Variants in C20orf96 observed in about 807,000 individuals in gnomAD.
C20orf96 encodes the protein chromosome 20 open reading frame 96.
A neutral mutation model predicts 52.6 loss-of-function variants in C20orf96; 57 were observed. That is an observed-to-expected ratio of 1.08 (90% CI 0.88 to 1.35). The LOEUF is 1.35. Among genes scored for constraint, C20orf96 ranks in the 40% most tolerant of loss-of-function variants. C20orf96 has a pLI of 0.00. For missense variants in C20orf96, 478 were observed against 443.6 expected, an observed-to-expected ratio of 1.08 and a Z score of -0.70; for synonymous variants, 168 against 157.2, an observed-to-expected ratio of 1.07 and a Z score of -0.51.
chr20:284,552 C>A (rs918549989), intron 3 of C20orf96, among the ~76,000 whole-genome samples: 4 of 152,210 alleles, frequency 2.6e-5, no homozygotes, highest in Non-Finnish European at 5.9e-5. Context: ...GCCAGACAGT[C>A]CAAGTTTAAA....
In C20orf96 at chr20:276,003, C is replaced by G; in HGVS notation, c.996G>C (p.Glu332Asp). 1 of 1,614,182 alleles carries G rather than the reference C, an allele frequency of 6.2e-7. No individual in the cohort carries two copies. The change falls in exon 10 of 11, where the codon GAG becomes GAC. Residue 332 changes from glutamate (E) to aspartate (D), a missense_variant. Physicochemically the swap from Glu to Asp is conservative, Grantham distance 45. Coordinates refer to ENST00000360321, the MANE Select transcript of C20orf96 (RefSeq NM_153269.3). ...ELQAQTREPR[E>D]VIFEDVLLRR... ...GAAGCAGAACATCCTCAAATATGAC[C>G]TCTCGGGGTTCCCGGGTCTGGGCTT...
chr20:278,118 C>A (rs959436701), intron 6 of C20orf96, among the ~76,000 whole-genome samples: 1 of 152,228 alleles, frequency 6.6e-6, no homozygotes, highest in African/African-American at 2.4e-5. Context: ...TGTAACAATG[C>A]AGACATTGGT....
At chr20:271,798 A>G (rs776644579) in intron 10 of C20orf96, among the ~76,000 whole-genome samples, 12 of 152,376 alleles carry the variant, frequency 7.9e-5, no homozygotes, top group Non-Finnish European at 1.6e-4. Flanking sequence ...TCATTGGTGG[A>G]AAGATTAAAT....
At chr20:283,925 G>C in intron 4 of C20orf96, 38 bp downstream of exon 4, 1 of 1,427,174 alleles carries the variant, frequency 7.0e-7, no homozygotes, top group Non-Finnish European at 9.9e-7. Flanking sequence ...CCCCGTCCCT[G>C]TCCTGGGCCC....
chr20:274,566 T>A (rs2011954883), intron 10 of C20orf96, among the ~76,000 whole-genome samples: 1 of 152,086 alleles, frequency 6.6e-6, no homozygotes, highest in Non-Finnish European at 1.5e-5. Context: ...ACATGCACCT[T>A]ACCCCTTTCA....
Position 276,577 on chromosome 20 carries a change from T to C in C20orf96, c.912+216A>G, listed in dbSNP as rs558043861. ...GTTGTAAATGGGTCATTAGCCAGCA[T>C]TGCTGGCTAATGAGGCAAGGCCTAG... On this transcript the variant is annotated intron_variant, in intron 9 of 10. Coordinates refer to ENST00000360321, the MANE Select transcript of C20orf96 (RefSeq NM_153269.3). 26 of 984,784 alleles carry C rather than the reference T, an allele frequency of 2.6e-5. No individual in the cohort carries two copies. The South Asian group carries it at 5.6e-4, about 21-fold the overall frequency. 61.0% of individuals were successfully genotyped at this position (984,784 alleles called of 1,614,324 possible).
chr20:279,165 G>A lies in C20orf96; in HGVS notation c.465+7C>T. 1 of 1,584,124 alleles carries A rather than the reference G, an allele frequency of 6.3e-7. No individual in the cohort carries two copies. On this transcript the variant is annotated splice_region_variant and intron_variant, in intron 5 of 10. Coordinates refer to ENST00000360321, the MANE Select transcript of C20orf96 (RefSeq NM_153269.3). ...GACGGAGGGCGGGCGGATGCCGCGG[G>A]TCTCACCGCCAGGGTGTCCTGCTGC...
At chr20:288,158 C>CTTTTTCTT (rs1293490545) in intron 3 of C20orf96, among the ~76,000 whole-genome samples, 17 of 89,714 alleles carry the variant, frequency 1.9e-4, no homozygotes, top group East Asian at 3.8e-4. Flanking sequence ...TAAATCATTT[C>CTTTTTCTT]TTTCTTTTTC....
intron 10 of C20orf96, 121 bp downstream of exon 10, chr20:275,847 G>C: frequency 3.6e-5 from 33 of 918,678 alleles, no homozygotes; most frequent in Middle Eastern, 2.3e-4. Context: ...ACCCAGGACC[G>C]CCCCTCCCTC....
chr20:281,190 T>TA (rs1292087952), intron 4 of C20orf96, among the ~76,000 whole-genome samples: 2 of 152,056 alleles, frequency 1.3e-5, no homozygotes, highest in Admixed American at 1.3e-4. Context: ...AATACAATTT[T>TA]AAAAAATTAA....
At chr20:283,803 G>A (rs774303530) in intron 4 of C20orf96, among the ~76,000 whole-genome samples, 160 bp downstream of exon 4, 21 of 152,090 alleles carry the variant, frequency 1.4e-4, no homozygotes, top group African/African-American at 1.9e-4. Context: ...TCAGTTTCCC[G>A]GTTTGTAAAA....
intron 2 of C20orf96, 60 bp from the exon 3 acceptor site, chr20:289,736 T>G: frequency 7.3e-7 from 1 of 1,376,604 alleles, no homozygotes; most frequent in South Asian, 1.2e-5. Context: ...TCTACCCTTT[T>G]CAGATATCTG....
chr20:274,916 T>C (rs1168717407), intron 10 of C20orf96, among the ~76,000 whole-genome samples: 2 of 151,992 alleles, frequency 1.3e-5, no homozygotes, highest in African/African-American at 4.8e-5. Context: ...GCCTTCCAGG[T>C]TCAAGCAATT....
In C20orf96 at chr20:289,594, G is replaced by C. The variant is rs1166705386; in HGVS notation, c.152C>G (p.Thr51Arg). ...CCTAGTCAAAGTCTTCATTTTGCTT[G>C]TATGAAGGCTGTTGGCTTGTTGGAC... The part of the protein sequence containing the change: ...PPVQQANSLH[T>R]SKMKTLTRVQ... Residue 51 changes from threonine (T) to arginine (R), a missense_variant, in exon 3 of 11, where the codon ACA (threonine) becomes AGA (arginine). Thr to Arg is a moderately conservative substitution (Grantham distance 71). Transcript: ENST00000360321. 2 of 1,614,036 alleles carry C rather than the reference G, an allele frequency of 1.2e-6. No individual in the cohort carries two copies. The highest frequency in any genetic ancestry group is 2.2e-5 in the South Asian group (2 of 91,078).
intron 4 of C20orf96, 55 bp from the exon 5 acceptor site, chr20:279,385 C>T: frequency 1.3e-6 from 2 of 1,550,312 alleles, no homozygotes; most frequent in Non-Finnish European, 1.7e-6. Flanking sequence ...CGGCCTGAGC[C>T]CCCGAAAGCC....
Position 270,881 on chromosome 20 carries a change from T to G in C20orf96, c.*326A>C. The G allele has an allele frequency of 6.5e-6, 2 of 306,844 alleles. No homozygotes were observed. Among genetic ancestry groups the G allele is most frequent in the Non-Finnish European group, 1.2e-5 (2 of 165,102 alleles). The allele number at this position is 306,844 out of a possible 1,614,324, so 19.0% of individuals were successfully genotyped here. ...CAAAAAAGCAAATGTAAATCCAGCT[T>G]TATTGGTAAAAAAGGAATAGCAGAT... On this transcript the variant is annotated 3_prime_UTR_variant, in exon 11 of 11. Transcript: ENST00000360321.
At chr20:272,758 G>A (rs1205883574) in intron 10 of C20orf96, among the ~76,000 whole-genome samples, 2 of 152,090 alleles carry the variant, frequency 1.3e-5, no homozygotes, top group Non-Finnish European at 2.9e-5. Flanking sequence ...ATAAAAGTCA[G>A]GAACCCAGGG....
At chr20:280,672 C>A (rs1600188225) in intron 4 of C20orf96, among the ~76,000 whole-genome samples, 1 of 152,202 alleles carries the variant, frequency 6.6e-6, no homozygotes, top group Non-Finnish European at 1.5e-5. Context: ...CTTAAAACTG[C>A]AAGGCATGGC....
chr20:279,388 C>T, intron 4 of C20orf96, 58 bp from the exon 5 acceptor site: 1 of 1,547,170 alleles, frequency 6.5e-7, no homozygotes, highest in Non-Finnish European at 8.6e-7. Flanking sequence ...CCTGAGCCCC[C>T]GAAAGCCCGT....
Sources: gnomAD v4.1 joint callset for allele counts (sites outside exome capture counted in the v4.1 genomes callset) on GRCh38, gnomAD v4.1.1 for gene constraint, MANE v1.5 for transcripts, NCBI Gene and HGNC (gene_info 2026-07-23, HGNC 2026-07-21) for gene names.